Variants in ADAMTS2 observed in about 807,000 individuals in gnomAD.
ADAMTS2 encodes the protein ADAM metallopeptidase with thrombospondin type 1 motif 2.
Under a neutral mutation model 123.0 loss-of-function variants are expected in ADAMTS2, and 50 were observed. That is an observed-to-expected ratio of 0.41 (90% CI 0.32 to 0.51). The LOEUF (loss-of-function observed/expected upper bound fraction) is 0.51. ADAMTS2 is among the 20% of genes least tolerant of loss of function. The pLI, the probability that ADAMTS2 is intolerant of heterozygous loss-of-function variation, is 0.35. For missense variants in ADAMTS2, 1,494 were observed against 1,705.2 expected, an observed-to-expected ratio of 0.88 and a Z score of 2.18; for synonymous variants, 678 against 695.4, an observed-to-expected ratio of 0.98 and a Z score of 0.39.
At chr5:179,279,719 G>A (rs1766838385) in intron 2 of ADAMTS2, among the ~76,000 whole-genome samples, 1 of 152,198 alleles carries the variant, frequency 6.6e-6, no homozygotes, top group East Asian at 1.9e-4. Flanking sequence ...CATTGAGTGG[G>A]ATTTGAGCCA....
chr5:179,141,848 T>C (rs1763177918), intron 10 of ADAMTS2, among the ~76,000 whole-genome samples: 1 of 152,106 alleles, frequency 6.6e-6, no homozygotes, highest in Non-Finnish European at 1.5e-5. Context: ...GCCCCACTCA[T>C]AGGGCACAAG....
chr5:179,219,964 CGGG>C lies in ADAMTS2; in HGVS notation c.689-12252_689-12250del, dbSNP rs1765091491. 3.3e-5 allele frequency among the ~76,000 whole-genome samples: 5 copies of C among 152,158 alleles called. No homozygotes were observed. The South Asian group carries it at 8.3e-4, about 25-fold the overall frequency. ...GTCTCGGGGCCTTCAGAGGCTGGGG[CGGG>C]TGACAAGAGCCAGCAAGCCCTGCCC... On this transcript the variant is annotated intron_variant, in intron 3 of 21. Coordinates refer to ENST00000251582, the MANE Select transcript of ADAMTS2 (RefSeq NM_014244.5).
intron 3 of ADAMTS2, among the ~76,000 whole-genome samples, chr5:179,239,615 C>T (rs1765616364): frequency 1.3e-5 from 2 of 152,122 alleles, no homozygotes; most frequent in South Asian, 4.2e-4. Flanking sequence ...GAATATGAGT[C>T]TTGGGTGCAG....
rs930240358 is a variant in ADAMTS2 at position 179,317,325 on chromosome 5, T to C, written c.534+26442A>G. Among the ~76,000 whole-genome samples the C allele has an allele frequency of 6.6e-6, 1 of 152,164 alleles. No individual in the cohort carries two copies. The highest frequency in any genetic ancestry group is 1.5e-5 in the Non-Finnish European group (1 of 68,022). On this transcript the variant is annotated intron_variant, in intron 2 of 21. Transcript: ENST00000251582. The surrounding 1 kb of genome is among the most constrained non-coding windows in gnomAD (Gnocchi z 4.9). ...GACTCAGCTAGCAGAGTCGCTGATA[T>C]GGTAACACAATATCACACATCTCAT...
intron 2 of ADAMTS2, among the ~76,000 whole-genome samples, chr5:179,291,188 T>C (rs1205071758): frequency 2.0e-5 from 3 of 152,082 alleles, no homozygotes; most frequent in Non-Finnish European, 4.4e-5. Flanking sequence ...ACAGAATGAG[T>C]GCGGGGCTCT....
At chr5:179,292,033 C>T (rs1040936361) in intron 2 of ADAMTS2, among the ~76,000 whole-genome samples, 3 of 151,944 alleles carry the variant, frequency 2.0e-5, no homozygotes, top group African/African-American at 7.3e-5. Flanking sequence ...TGTGAGCCAC[C>T]ACACCTGGCC....
intron 10 of ADAMTS2, among the ~76,000 whole-genome samples, chr5:179,140,978 T>C (rs1374275060): frequency 1.2e-4 from 18 of 151,262 alleles, no homozygotes; most frequent in South Asian, 2.1e-4. Flanking sequence ...TTTTGCATTT[T>C]TTTTTTTTTT....
chr5:179,206,580 A>G (rs1764704102), intron 4 of ADAMTS2, among the ~76,000 whole-genome samples: 1 of 151,752 alleles, frequency 6.6e-6, no homozygotes, highest in African/African-American at 2.4e-5. Context: ...CTAGGGCCCC[A>G]CTGGCAGCAT....
chr5:179,201,094 A>G (rs1403637932), intron 4 of ADAMTS2, among the ~76,000 whole-genome samples: 2 of 152,234 alleles, frequency 1.3e-5, no homozygotes, highest in African/African-American at 4.8e-5. Context: ...CCACTGCTCA[A>G]AAGGACTCAG....
rs1038578746 is a variant in ADAMTS2, at chr5:179,262,319, C to A, written c.688+10592G>T. ...GTCCTTGATTCCTTCCTTCACACCACGTCCCGGAAGCTCCACCTCAAACTC... is the reference window on the plus strand; with the variant it reads ...GTCCTTGATTCCTTCCTTCACACCAAGTCCCGGAAGCTCCACCTCAAACTC... On this transcript the variant is annotated intron_variant, in intron 3 of 21. Transcript: ENST00000251582. This position sits in a 1 kb window ranked among gnomAD's most constrained non-coding sequence, Gnocchi z 5.9. Among the ~76,000 whole-genome samples the A allele has an allele frequency of 6.6e-6, 1 of 152,078 alleles. No individual in the cohort carries two copies. Among genetic ancestry groups the A allele is most frequent in the African/African-American group, 2.4e-5 (1 of 41,388 alleles).
At chr5:179,341,995 G>A (rs1397369265) in intron 2 of ADAMTS2, among the ~76,000 whole-genome samples, 1 of 152,098 alleles carries the variant, frequency 6.6e-6, no homozygotes, top group Non-Finnish European at 1.5e-5. Context: ...CATTCAAACA[G>A]CCCCCCAGGA....
chr5:179,274,743 T>TGTAGCGAGGGAGGCTGGA (rs1766649573), intron 2 of ADAMTS2, among the ~76,000 whole-genome samples: 1 of 152,082 alleles, frequency 6.6e-6, no homozygotes, highest in Non-Finnish European at 1.5e-5. Context: ...TAGCCTCAAG[T>TGTAGCGAGGGAGGCTGGA]GTAGCGAGGG....
intron 3 of ADAMTS2, among the ~76,000 whole-genome samples, chr5:179,271,196 C>A (rs1766522626): frequency 6.6e-6 from 1 of 152,210 alleles, no homozygotes; most frequent in Admixed American, 6.5e-5. Context: ...CAAACACCAG[C>A]AGAAGCCCAG....
intron 3 of ADAMTS2, among the ~76,000 whole-genome samples, chr5:179,217,834 GCAGACAGGCACACTCACTAGGTA>G (rs1561811353): frequency 5.2e-5 from 6 of 115,032 alleles, no homozygotes; most frequent in African/African-American, 1.6e-4. Flanking sequence ...TGGCCTGAGG[GCAGACAGGCACACTCACTAGGTA>G]GGGGATGGCC....
At chr5:179,135,242 G>A (rs1446187256) in intron 13 of ADAMTS2, among the ~76,000 whole-genome samples, 4 of 152,052 alleles carry the variant, frequency 2.6e-5, no homozygotes, top group African/African-American at 7.2e-5. Context: ...CTGCCGATGC[G>A]GCTGTTTCTC....
chr5:179,290,111 C>A (rs1181193595), intron 2 of ADAMTS2, among the ~76,000 whole-genome samples: 1 of 152,076 alleles, frequency 6.6e-6, no homozygotes, highest in Non-Finnish European at 1.5e-5. Context: ...ACATTTGGTC[C>A]CCAGTGTGGC....
In ADAMTS2 at chr5:179,121,650, G is replaced by A; in HGVS notation, c.3178+11C>T. On this transcript the variant is annotated intron_variant, in intron 21 of 21. Transcript: ENST00000251582. ...GGAGGGCAGAGGCAGAGTTATAAAC[G>A]GGTCGGTTACTTGACGAGATCTTCC... is the stretch of plus-strand genomic sequence containing the variant. The A allele has an allele frequency of 1.3e-6, 2 of 1,597,832 alleles. No individual in the cohort carries two copies. The highest frequency in any genetic ancestry group is 2.3e-5 in the East Asian group (1 of 43,926).
intron 4 of ADAMTS2, among the ~76,000 whole-genome samples, chr5:179,205,787 T>TTA (rs758652100): frequency 0.07 from 6,800 of 96,546 alleles, 206 homozygotes; most frequent in Middle Eastern, 0.12. Context: ...TATTATTATT[T>TTA]TTGAGACGGA....
intron 2 of ADAMTS2, among the ~76,000 whole-genome samples, chr5:179,316,141 C>G (rs1213084397): frequency 6.6e-6 from 1 of 152,102 alleles, no homozygotes; most frequent in Non-Finnish European, 1.5e-5. Flanking sequence ...AGGCAGCAGG[C>G]AGACATCCAA....
Sources: gnomAD v4.1 joint callset for allele counts (sites outside exome capture counted in the v4.1 genomes callset) on GRCh38, gnomAD v4.1.1 for gene constraint, Gnocchi (gnomAD v3.1) non-coding constraint, MANE v1.5 for transcripts, NCBI Gene and HGNC (gene_info 2026-07-23, HGNC 2026-07-21) for gene names.